The following CACNA1C variants were observed in gnomAD, a reference collection of about 807,000 sequenced individuals.
CACNA1C encodes the protein voltage-dependent L-type calcium channel subunit alpha-1C.
CACNA1C carries 30 observed loss-of-function variants against 229.0 expected under a neutral mutation model. That is an observed-to-expected ratio of 0.13 (90% CI 0.10 to 0.18). The LOEUF is 0.18. Ranked by LOEUF, CACNA1C falls within the 10% of genes least tolerant of loss-of-function variation. The pLI is 1.00. For missense variants in CACNA1C, 1,658 were observed against 2,845.0 expected (o/e 0.58, Z 9.49); for synonymous variants, 1,114 against 1,132.5 (o/e 0.98, Z 0.33).
intron 1 of CACNA1C, among the ~76,000 whole-genome samples, chr12:2,089,279 T>TG (rs990934177): frequency 7.2e-5 from 11 of 152,214 alleles, no homozygotes; most frequent in African/African-American, 2.4e-4. Context: ...GCCATTGATG[T>TG]GGGGGCGAGT....
At chr12:2,421,866 A>G (rs2098982527) in intron 3 of CACNA1C, among the ~76,000 whole-genome samples, 1 of 151,916 alleles carries the variant, frequency 6.6e-6, no homozygotes, top group Non-Finnish European at 1.5e-5. Context: ...AGCCAAGATC[A>G]TGCCACTGCA....
chr12:1,996,943 T>C (rs755370834), intron 1 of CACNA1C, among the ~76,000 whole-genome samples: 7 of 152,218 alleles, frequency 4.6e-5, no homozygotes, highest in Non-Finnish European at 1.0e-4. Flanking sequence ...GAAAGGTTTA[T>C]ATTAGGTCTT....
chr12:2,352,620 C>G (rs924883838), intron 3 of CACNA1C, among the ~76,000 whole-genome samples: 25 of 151,742 alleles, frequency 1.6e-4, no homozygotes, highest in African/African-American at 5.3e-4. Context: ...CTCTGTGGAC[C>G]GTTGAGTGTC....
chr12:1,997,025 G>A (rs1256693508), intron 1 of CACNA1C, among the ~76,000 whole-genome samples: 3 of 152,124 alleles, frequency 2.0e-5, no homozygotes, highest in Non-Finnish European at 4.4e-5. Flanking sequence ...ATGTTTATGT[G>A]AATGAAAAGT....
intron 3 of CACNA1C, among the ~76,000 whole-genome samples, chr12:2,307,163 C>G (rs1031392505): frequency 6.6e-6 from 1 of 152,208 alleles, no homozygotes; most frequent in African/African-American, 2.4e-5. Context: ...AGCTGCAAAT[C>G]TGACCTGGAC....
intron 1 of CACNA1C, among the ~76,000 whole-genome samples, chr12:2,098,235 C>T (rs1035419632): frequency 6.6e-6 from 1 of 152,246 alleles, no homozygotes; most frequent in East Asian, 1.9e-4. Flanking sequence ...TCGTTGCCTT[C>T]TACCTTCTTG....
chr12:2,238,172 A>AT (rs1252043300), intron 3 of CACNA1C, among the ~76,000 whole-genome samples: 1 of 152,212 alleles, frequency 6.6e-6, no homozygotes, highest in Admixed American at 6.5e-5. Context: ...CAGAAGAAGC[A>AT]TTTTTTGTTC....
At chr12:2,391,150 G>A (rs1041912944) in intron 3 of CACNA1C, among the ~76,000 whole-genome samples, 3 of 152,160 alleles carry the variant, frequency 2.0e-5, no homozygotes, top group African/African-American at 4.8e-5. Flanking sequence ...AAGAAGATGG[G>A]GTTTCCCTTC....
rs1031882210 is a variant in CACNA1C, at chr12:2,053,504, G to T, written c.-59G>T. On this transcript the variant is annotated 5_prime_UTR_variant, in exon 1 of 47. Transcript: ENST00000399655. This position sits in a 1 kb window ranked among gnomAD's most constrained non-coding sequence, Gnocchi z 5.8. ...GGGATTAATCCAGACCCGCCGGGGG[G>T]TGTTTTCACATTTCTTCCTCTTCGT... 155 of 1,544,792 alleles carry T rather than the reference G, an allele frequency of 1.0e-4. 4 individuals are homozygous for T. In the South Asian group the frequency reaches 1.5e-3, roughly 15 times the overall value.
chr12:2,375,390 A>C (rs1298591995), intron 3 of CACNA1C, among the ~76,000 whole-genome samples: 2 of 152,154 alleles, frequency 1.3e-5, no homozygotes, highest in African/African-American at 4.8e-5. Context: ...GCCTGGCATG[A>C]GGCTCAGGAG....
chr12:2,194,645 G>T (rs2097348805), intron 3 of CACNA1C, among the ~76,000 whole-genome samples: 1 of 152,056 alleles, frequency 6.6e-6, no homozygotes, highest in Non-Finnish European at 1.5e-5. Context: ...TGTGAGCCTG[G>T]TATTTCAGTG....
At chr12:2,361,081 G>A (rs2097546241) in intron 3 of CACNA1C, among the ~76,000 whole-genome samples, 1 of 151,818 alleles carries the variant, frequency 6.6e-6, no homozygotes, top group African/African-American at 2.4e-5. Flanking sequence ...TTTTTCATGG[G>A]GAGACTAGGA....
chr12:2,331,237 T>C (rs1384916305), intron 3 of CACNA1C, among the ~76,000 whole-genome samples: 1 of 152,222 alleles, frequency 6.6e-6, no homozygotes, highest in Admixed American at 6.5e-5. Flanking sequence ...CTATATCATA[T>C]GTACATGTAT....
intron 18 of CACNA1C, among the ~76,000 whole-genome samples, chr12:2,587,210 A>C (rs1157587204): frequency 2.0e-5 from 3 of 151,020 alleles, no homozygotes; most frequent in Non-Finnish European, 3.0e-5. Flanking sequence ...TATTCCAACA[A>C]AAAAAAAATG....
intron 3 of CACNA1C, among the ~76,000 whole-genome samples, chr12:2,157,526 C>T (rs573286742): frequency 3.9e-4 from 59 of 152,358 alleles, no homozygotes; most frequent in African/African-American, 1.3e-3. Context: ...CCTGTACTCT[C>T]TAGGCAGAAG....
chr12:2,068,336 G>T (rs2060124118), intron 1 of CACNA1C, among the ~76,000 whole-genome samples: 2 of 152,184 alleles, frequency 1.3e-5, no homozygotes, highest in Non-Finnish European at 2.9e-5. Context: ...GTTGGGAGGG[G>T]TCTGGTGTGG....
chr12:2,281,393 C>G (rs1489273377), intron 3 of CACNA1C, among the ~76,000 whole-genome samples: 2 of 152,148 alleles, frequency 1.3e-5, no homozygotes, highest in African/African-American at 4.8e-5. Context: ...TTATGTAGAT[C>G]CACACTTCTA....
At chr12:2,424,488 T>C (rs1479680645) in intron 3 of CACNA1C, among the ~76,000 whole-genome samples, 2 of 152,074 alleles carry the variant, frequency 1.3e-5, no homozygotes, top group Non-Finnish European at 2.9e-5. Flanking sequence ...GTGTCTTGGC[T>C]AAAAATATGT....
intron 42 of CACNA1C, chr12:2,682,025 C>T: frequency 6.2e-7 from 1 of 1,609,764 alleles, no homozygotes; most frequent in Non-Finnish European, 8.5e-7. Context: ...AGGCTCACTG[C>T]CTTCTGCTCA....
Sources: allele counts gnomAD v4.1 joint callset (sites outside exome capture counted in the v4.1 genomes callset), GRCh38; gene constraint gnomAD v4.1.1; non-coding constraint Gnocchi (gnomAD v3.1); transcripts MANE v1.5; gene names NCBI Gene and HGNC (gene_info 2026-07-23, HGNC 2026-07-21).